Variants in CTNNA3 observed in about 807,000 individuals in gnomAD.
The protein encoded by CTNNA3 is catenin alpha-3.
In CTNNA3, 76 loss-of-function variants were observed where a neutral mutation model predicts 95.7. The observed-to-expected ratio is 0.79, with a 90% CI of 0.66 to 0.96. The LOEUF is 0.96. Ranked by LOEUF, CTNNA3 falls within the 40% of genes least tolerant of loss-of-function variation. The probability of loss-of-function intolerance (pLI) is 0.00; values close to 1 mark genes in which losing one functional copy is unlikely to be tolerated. For synonymous variants in CTNNA3, 431 were observed against 374.4 expected, an observed-to-expected ratio of 1.15 and a Z score of -1.74; for missense variants, 1,191 against 1,089.8, an observed-to-expected ratio of 1.09 and a Z score of -1.31.
At chr10:66,030,104 A>G (rs1226222279) in intron 15 of CTNNA3, among the ~76,000 whole-genome samples, 2 of 152,188 alleles carry the variant, frequency 1.3e-5, no homozygotes, top group African/African-American at 4.8e-5. Flanking sequence ...TTCCATGCTC[A>G]TGGGTAGGGA....
At chr10:67,005,129 T>C (rs1395043210) in intron 7 of CTNNA3, among the ~76,000 whole-genome samples, 1 of 152,174 alleles carries the variant, frequency 6.6e-6, no homozygotes, top group Non-Finnish European at 1.5e-5. Context: ...AATGCTTTTT[T>C]ACCTGGATAA....
intron 5 of CTNNA3, among the ~76,000 whole-genome samples, chr10:67,342,394 A>C (rs528435545): frequency 6.6e-6 from 1 of 151,940 alleles, no homozygotes; most frequent in African/African-American, 2.4e-5. Flanking sequence ...GAGCCACCGC[A>C]CCCGGCCTGT....
chr10:67,466,767 C>T (rs180869393), intron 5 of CTNNA3, among the ~76,000 whole-genome samples: 2 of 152,268 alleles, frequency 1.3e-5, no homozygotes, highest in Admixed American at 6.5e-5. Flanking sequence ...TTACATATGA[C>T]AAACAGTTGT....
At chr10:66,917,424 G>A (rs1314510835) in intron 7 of CTNNA3, among the ~76,000 whole-genome samples, 4 of 152,224 alleles carry the variant, frequency 2.6e-5, no homozygotes, top group Non-Finnish European at 5.9e-5. Flanking sequence ...TGACATATAG[G>A]CTGATATATT....
At chr10:66,837,223 T>C (rs1365714386) in intron 7 of CTNNA3, among the ~76,000 whole-genome samples, 2 of 152,152 alleles carry the variant, frequency 1.3e-5, no homozygotes, top group Admixed American at 6.5e-5. Flanking sequence ...GTTTCACCAC[T>C]ACGAACAACA....
chr10:67,125,049 G>A (rs1488454054), intron 7 of CTNNA3, among the ~76,000 whole-genome samples: 1 of 152,144 alleles, frequency 6.6e-6, no homozygotes, highest in Non-Finnish European at 1.5e-5. Flanking sequence ...TGCCTCGAAG[G>A]AATCAAGTTA....
rs58074397 is a variant in CTNNA3, at chr10:67,720,129, CTTTTTTTTTT to C, written c.-2+43295_-2+43304del. On this transcript the variant is annotated intron_variant, in intron 1 of 17. Coordinates refer to the CTNNA3 transcript ENST00000684154. ...TCAGAGACTAGGATTGCAACCCCTGCTTTTTTTTTTTTTTTTTTTTTTTGCTGTCCAATTG... is the reference window on the plus strand; with the variant it reads ...TCAGAGACTAGGATTGCAACCCCTGCTTTTTTTTTTTTTGCTGTCCAATTG... Among the ~76,000 whole-genome samples the C allele has an allele frequency of 9.5e-3, 63 of 6,612 alleles. 12 individuals are homozygous for C. The highest frequency in any genetic ancestry group is 0.041 in the African/African-American group (61 of 1,500). The allele number at this position is 6,612 out of a possible 152,430, so 4.3% of individuals were successfully genotyped here.
chr10:66,567,747 C>T (rs1316974611), intron 10 of CTNNA3, among the ~76,000 whole-genome samples: 1 of 152,204 alleles, frequency 6.6e-6, no homozygotes, highest in Non-Finnish European at 1.5e-5. Flanking sequence ...CACACATCCC[C>T]CTTTCAGGTC....
At chr10:67,607,100 A>T (rs1350169444) in intron 2 of CTNNA3, 51 bp from the exon 3 acceptor site, 2 of 1,410,308 alleles carry the variant, frequency 1.4e-6, no homozygotes, top group Non-Finnish European at 2.0e-6. Flanking sequence ...TAAGGAGAAC[A>T]CAGTCCTGGG....
At position 66,005,860 on chromosome 10, in the gene CTNNA3, A is replaced by G. The variant is rs117336359; in HGVS notation, c.2160-17063T>C. Among the ~76,000 whole-genome samples the G allele has an allele frequency of 5.9e-3, 891 of 152,214 alleles. 7 individuals carry two copies. Among genetic ancestry groups the G allele is most frequent in the Middle Eastern group, 0.031 (9 of 292 alleles). On this transcript the variant is annotated intron_variant, in intron 15 of 17. Transcript: ENST00000433211. Reference sequence around the variant, plus strand: ...CATAAGACATTCAAATACTATATAAATACTGCATACTTAAAGGCATCACTT... The same window carrying G: ...CATAAGACATTCAAATACTATATAAGTACTGCATACTTAAAGGCATCACTT...
chr10:67,488,280 T>C (rs1404524194), intron 5 of CTNNA3, among the ~76,000 whole-genome samples: 1 of 152,106 alleles, frequency 6.6e-6, no homozygotes, highest in Non-Finnish European at 1.5e-5. Context: ...AATGAAGACA[T>C]TGAAAGGAAA....
At chr10:67,668,810 A>G (rs1320514754) in intron 1 of CTNNA3, among the ~76,000 whole-genome samples, 1 of 151,066 alleles carries the variant, frequency 6.6e-6, no homozygotes, top group Non-Finnish European at 1.5e-5. Flanking sequence ...ATGCAACCAC[A>G]GATAAGGGGC....
At chr10:66,509,036 A>T (rs55891531) in intron 11 of CTNNA3, among the ~76,000 whole-genome samples, 23,196 of 151,998 alleles carry the variant, frequency 0.15, 1,845 homozygotes, top group Non-Finnish European at 0.17. Context: ...TTCTGCATCA[A>T]CACCAGCGTT....
chr10:67,500,291 G>A (rs1839187415), intron 5 of CTNNA3, among the ~76,000 whole-genome samples: 1 of 152,200 alleles, frequency 6.6e-6, no homozygotes, highest in South Asian at 2.1e-4. Context: ...TATAGTCTGA[G>A]AGACTGTTTG....
At chr10:66,903,440 T>C (rs1050238915) in intron 7 of CTNNA3, among the ~76,000 whole-genome samples, 1 of 152,130 alleles carries the variant, frequency 6.6e-6, no homozygotes, top group South Asian at 2.1e-4. Context: ...GGACAAAAAC[T>C]GGAAGCATTC....
At chr10:66,806,762 G>A (rs1006333501) in intron 7 of CTNNA3, among the ~76,000 whole-genome samples, 5 of 27,630 alleles carry the variant, frequency 1.8e-4, no homozygotes, top group Admixed American at 5.3e-4. Flanking sequence ...ATATATGTGT[G>A]TGTGTGTGTG....
At chr10:66,452,097 A>C (rs1053531838) in intron 11 of CTNNA3, among the ~76,000 whole-genome samples, 3 of 152,244 alleles carry the variant, frequency 2.0e-5, no homozygotes, top group Admixed American at 6.5e-5. Context: ...AACTGAGGCC[A>C]AGTGGCAGTG....
At chr10:67,729,450 A>C (rs1451752863) in intron 1 of CTNNA3, among the ~76,000 whole-genome samples, 1 of 152,132 alleles carries the variant, frequency 6.6e-6, no homozygotes, top group Non-Finnish European at 1.5e-5. Context: ...CCAAAACAAA[A>C]ACAATAAAGA....
Position 66,827,526 on chromosome 10 carries a change from C to A in CTNNA3, c.1048-52002G>T, listed in dbSNP as rs1842559472. ...CTATGCAATATAGTGGAAAAAGTCTCGTAATTGGAAACCAGAGTCTGTTTG... is the reference window on the plus strand; with the variant it reads ...CTATGCAATATAGTGGAAAAAGTCTAGTAATTGGAAACCAGAGTCTGTTTG... On this transcript the variant is annotated intron_variant, in intron 7 of 17. Transcript: ENST00000433211. Among the ~76,000 whole-genome samples the A allele has an allele frequency of 2.0e-5, 3 of 152,116 alleles. No homozygotes were observed. In the South Asian group the frequency reaches 6.2e-4, roughly 32 times the overall value.
Sources: gnomAD v4.1 joint callset for allele counts (sites outside exome capture counted in the v4.1 genomes callset) on GRCh38, gnomAD v4.1.1 for gene constraint, MANE v1.5 for transcripts, NCBI Gene and HGNC (gene_info 2026-07-23, HGNC 2026-07-21) for gene names.